ST6GALNAC3: variants seen among roughly 807,000 people sequenced by gnomAD.
ST6GALNAC3 encodes alpha-N-acetylgalactosaminide alpha-2,6-sialyltransferase 3.
ST6GALNAC3 carries 25 observed loss-of-function variants against 32.7 expected under a neutral mutation model. That is an observed-to-expected ratio of 0.76 (90% CI 0.56 to 1.07). The LOEUF is 1.07. Among genes scored for constraint, ST6GALNAC3 ranks in the 50% least tolerant of loss-of-function variants. The probability of loss-of-function intolerance (pLI) is 0.00; values close to 1 mark genes in which losing one functional copy is unlikely to be tolerated. For missense variants in ST6GALNAC3, 355 were observed against 382.4 expected, an observed-to-expected ratio of 0.93 and a Z score of 0.60; for synonymous variants, 129 against 133.1, an observed-to-expected ratio of 0.97 and a Z score of 0.21.
At chr1:76,600,999 T>C (rs1455616652) in intron 3 of ST6GALNAC3, among the ~76,000 whole-genome samples, 1 of 152,018 alleles carries the variant, frequency 6.6e-6, no homozygotes, top group Admixed American at 6.6e-5. Context: ...CTGGGCAACA[T>C]GGTGAGGTAA....
intron 3 of ST6GALNAC3, among the ~76,000 whole-genome samples, chr1:76,470,905 G>C (rs759353887): frequency 2.6e-5 from 4 of 152,074 alleles, no homozygotes; most frequent in Non-Finnish European, 5.9e-5. Flanking sequence ...TATTCACTGT[G>C]CTTACTGGTA....
intron 3 of ST6GALNAC3, among the ~76,000 whole-genome samples, chr1:76,554,223 C>T (rs957984165): frequency 6.6e-6 from 1 of 152,240 alleles, no homozygotes; most frequent in Non-Finnish European, 1.5e-5. Flanking sequence ...TAGTTGGGTA[C>T]TAAATCTACA....
At chr1:76,543,369 T>C (rs889460443) in intron 3 of ST6GALNAC3, among the ~76,000 whole-genome samples, 1 of 152,104 alleles carries the variant, frequency 6.6e-6, no homozygotes, top group Non-Finnish European at 1.5e-5. Flanking sequence ...GACTGGCTGG[T>C]TTAGGATCTT....
At chr1:76,121,429 G>A (rs1047382519) in intron 1 of ST6GALNAC3, among the ~76,000 whole-genome samples, 1 of 152,120 alleles carries the variant, frequency 6.6e-6, no homozygotes, top group Admixed American at 6.5e-5. Flanking sequence ...TTAAAAATGT[G>A]GGTCAGGCCA....
At chr1:76,178,908 C>T (rs1200489751) in intron 1 of ST6GALNAC3, among the ~76,000 whole-genome samples, 1 of 152,218 alleles carries the variant, frequency 6.6e-6, no homozygotes, top group Non-Finnish European at 1.5e-5. Flanking sequence ...TCCTTGTCTA[C>T]TACTGTCACT....
At chr1:76,229,671 G>T (rs533097) in intron 1 of ST6GALNAC3, among the ~76,000 whole-genome samples, 24,346 of 152,194 alleles carry the variant, frequency 0.16, 2,206 homozygotes, top group Middle Eastern at 0.23. Context: ...TCTGTAGGTA[G>T]GTGATTCCAT....
intron 1 of ST6GALNAC3, among the ~76,000 whole-genome samples, chr1:76,148,047 A>G (rs761640795): frequency 6.6e-6 from 1 of 152,096 alleles, no homozygotes; most frequent in Non-Finnish European, 1.5e-5. Context: ...TGGGGTATTC[A>G]TGTTTGCCTC....
chr1:76,377,118 C>T (rs963396245), intron 2 of ST6GALNAC3, among the ~76,000 whole-genome samples: 3 of 151,914 alleles, frequency 2.0e-5, no homozygotes, highest in Non-Finnish European at 4.4e-5. Context: ...AGATTGTAGA[C>T]AAGAAAAGAA....
intron 1 of ST6GALNAC3, among the ~76,000 whole-genome samples, chr1:76,163,416 G>A (rs1443948179): frequency 2.6e-5 from 4 of 152,180 alleles, no homozygotes; most frequent in Non-Finnish European, 4.4e-5. Context: ...CCTGGGCAGT[G>A]TTGGGAGGGT....
chr1:76,147,816 T>C (rs1650786535), intron 1 of ST6GALNAC3, among the ~76,000 whole-genome samples: 1 of 152,246 alleles, frequency 6.6e-6, no homozygotes, highest in Non-Finnish European at 1.5e-5. Context: ...TTGCCTTTTT[T>C]TCACTCTCTT....
intron 1 of ST6GALNAC3, among the ~76,000 whole-genome samples, chr1:76,116,792 C>T (rs1354374244): frequency 1.3e-5 from 2 of 152,102 alleles, no homozygotes; most frequent in African/African-American, 2.4e-5. Flanking sequence ...ATTAGCCGGG[C>T]CTGGTGGCAT....
rs144732990 is a variant in ST6GALNAC3 at position 76,125,666 on chromosome 1, C to T, written c.18+50782C>T. ...TCTCTCTGTACAAGACATGTGTTTC[C>T]CATCAGCAGACAGCAGACTCTTTTG... On this transcript the variant is annotated intron_variant, in intron 1 of 4. Coordinates refer to ENST00000328299, the MANE Select transcript of ST6GALNAC3 (RefSeq NM_152996.4). Among the ~76,000 whole-genome samples, 72 of 152,316 alleles carry T rather than the reference C, an allele frequency of 4.7e-4. 1 individual carries two copies. In the East Asian group the frequency reaches 0.013, roughly 28 times the overall value.
intron 2 of ST6GALNAC3, among the ~76,000 whole-genome samples, chr1:76,320,376 T>A (rs572199653): frequency 1.3e-5 from 2 of 152,304 alleles, no homozygotes; most frequent in African/African-American, 4.8e-5. Context: ...TTAGTCCTAA[T>A]CGTGTGGCTC....
chr1:76,100,259 C>T (rs60246438), intron 1 of ST6GALNAC3, among the ~76,000 whole-genome samples: 9,936 of 151,956 alleles, frequency 0.065, 1,111 homozygotes, highest in African/African-American at 0.23. Flanking sequence ...TGTACTGACT[C>T]CAAAAATTAA....
chr1:76,268,261 A>G (rs1249017106), intron 1 of ST6GALNAC3, among the ~76,000 whole-genome samples: 1 of 152,218 alleles, frequency 6.6e-6, no homozygotes, highest in Non-Finnish European at 1.5e-5. Context: ...ATTTGCCATT[A>G]ATTTCACTAA....
chr1:76,579,310 C>A (rs1411308749), intron 3 of ST6GALNAC3, among the ~76,000 whole-genome samples: 2 of 152,068 alleles, frequency 1.3e-5, no homozygotes, highest in Non-Finnish European at 2.9e-5. Context: ...TCATCAGTCA[C>A]ATCTTCCCAA....
At chr1:76,108,973 G>A (rs1030530070) in intron 1 of ST6GALNAC3, among the ~76,000 whole-genome samples, 3 of 152,048 alleles carry the variant, frequency 2.0e-5, no homozygotes, top group Non-Finnish European at 2.9e-5. Context: ...GTTCACAGCA[G>A]TATGACAGCT....
At chr1:76,602,676 G>C (rs1182168101) in intron 3 of ST6GALNAC3, among the ~76,000 whole-genome samples, 1 of 151,992 alleles carries the variant, frequency 6.6e-6, no homozygotes, top group Non-Finnish European at 1.5e-5. Flanking sequence ...GGATGCATTT[G>C]ATTACTTTTA....
intron 1 of ST6GALNAC3, among the ~76,000 whole-genome samples, chr1:76,270,880 T>C (rs1160895778): frequency 2.6e-5 from 4 of 152,204 alleles, no homozygotes; most frequent in Non-Finnish European, 5.9e-5. Flanking sequence ...GCTGACCTTT[T>C]CTAGTCTTTG....
Sources: allele counts gnomAD v4.1 joint callset (sites outside exome capture counted in the v4.1 genomes callset), GRCh38; gene constraint gnomAD v4.1.1; transcripts MANE v1.5; gene names NCBI Gene and HGNC (gene_info 2026-07-23, HGNC 2026-07-21).